Variants in ARHGAP15 observed in about 807,000 individuals in gnomAD.
ARHGAP15 encodes the protein Rho GTPase activating protein 15.
A neutral mutation model predicts 63.7 loss-of-function variants in ARHGAP15; 51 were observed. That is an observed-to-expected ratio of 0.80 (90% CI 0.64 to 1.01). The LOEUF (loss-of-function observed/expected upper bound fraction) is 1.01. Ranked by LOEUF, ARHGAP15 falls within the 50% of genes least tolerant of loss-of-function variation. The pLI is 0.00. For synonymous variants in ARHGAP15, 191 were observed against 193.8 expected (o/e 0.99, Z 0.12); for missense variants, 560 against 564.6 (o/e 0.99, Z 0.08).
intron 6 of ARHGAP15, among the ~76,000 whole-genome samples, chr2:143,255,998 A>T (rs1680406518): frequency 6.6e-6 from 1 of 152,098 alleles, no homozygotes; most frequent in Admixed American, 6.6e-5. Context: ...GGGTCTGGGG[A>T]TGTGTGTTCC....
At chr2:143,721,253 G>C (rs1559144170) in intron 13 of ARHGAP15, among the ~76,000 whole-genome samples, 1 of 151,992 alleles carries the variant, frequency 6.6e-6, no homozygotes, top group Non-Finnish European at 1.5e-5. Flanking sequence ...CAAAGTCTGG[G>C]CTAAAAGAAA....
intron 11 of ARHGAP15, among the ~76,000 whole-genome samples, chr2:143,614,891 C>A (rs530542719): frequency 6.6e-6 from 1 of 152,118 alleles, no homozygotes; most frequent in African/African-American, 2.4e-5. Flanking sequence ...CGGCAGAGAC[C>A]GGGAATTGGT....
chr2:143,741,238 G>A (rs903541433), intron 13 of ARHGAP15: 5 of 152,174 alleles, frequency 3.3e-5, no homozygotes, highest in African/African-American at 9.7e-5. Context: ...CCAAAGAAAT[G>A]AGCAAAATAA....
intron 12 of ARHGAP15, among the ~76,000 whole-genome samples, chr2:143,686,650 C>G (rs1683364917): frequency 6.6e-6 from 1 of 152,132 alleles, no homozygotes; most frequent in Non-Finnish European, 1.5e-5. Context: ...TAGAGGCTTA[C>G]TTTGCCCCCA....
intron 6 of ARHGAP15, among the ~76,000 whole-genome samples, chr2:143,408,022 T>C (rs1298667346): frequency 2.2e-5 from 3 of 136,164 alleles, no homozygotes; most frequent in African/African-American, 8.0e-5. Context: ...TATATATATA[T>C]ATATATATAT....
chr2:143,665,112 CA>C (rs1682085407), intron 12 of ARHGAP15, among the ~76,000 whole-genome samples: 1 of 150,924 alleles, frequency 6.6e-6, no homozygotes, highest in Non-Finnish European at 1.5e-5. Context: ...GAGACACAAC[CA>C]AAAAAGAGAA....
chr2:143,664,633 G>T (rs1307647285), intron 12 of ARHGAP15, among the ~76,000 whole-genome samples: 1 of 151,580 alleles, frequency 6.6e-6, no homozygotes, highest in African/African-American at 2.4e-5. Flanking sequence ...CCAGGAGCTG[G>T]TTTTTTGAAA....
At chr2:143,270,858 A>C (rs1178086946) in intron 6 of ARHGAP15, among the ~76,000 whole-genome samples, 1 of 152,178 alleles carries the variant, frequency 6.6e-6, no homozygotes, top group Non-Finnish European at 1.5e-5. Context: ...TTATATCTTC[A>C]TTCAGAAAAT....
intron 12 of ARHGAP15, among the ~76,000 whole-genome samples, chr2:143,660,563 G>C (rs1681709013): frequency 6.6e-6 from 1 of 152,168 alleles, no homozygotes; most frequent in Non-Finnish European, 1.5e-5. Context: ...TGAATTATTA[G>C]GAGATCATTT....
chr2:143,314,106 A>G (rs1375143654), intron 6 of ARHGAP15, among the ~76,000 whole-genome samples: 2 of 152,036 alleles, frequency 1.3e-5, no homozygotes, highest in Non-Finnish European at 2.9e-5. Context: ...CAGAAATTTA[A>G]CTGGCAGCCC....
At chr2:143,475,320 A>G (rs1032400286) in intron 8 of ARHGAP15, among the ~76,000 whole-genome samples, 1 of 152,230 alleles carries the variant, frequency 6.6e-6, no homozygotes, top group African/African-American at 2.4e-5. Context: ...GCCGTAGACG[A>G]CATACTGTGT....
rs199690257 is a variant in ARHGAP15, at chr2:143,635,862, TA to T, written c.1138+11602del. Among the ~76,000 whole-genome samples the T allele has an allele frequency of 6.2e-4, 94 of 152,240 alleles. 1 individual carries two copies. In the East Asian group the frequency reaches 0.016, roughly 26 times the overall value. On this transcript the variant is annotated intron_variant, in intron 12 of 13. Coordinates refer to ENST00000295095, the MANE Select transcript of ARHGAP15 (RefSeq NM_018460.4). ...TATATATATTTTAATCTATGAACTATAAAAAAATTATATTGGATAATTATGA... is the reference window on the plus strand; with the variant it reads ...TATATATATTTTAATCTATGAACTATAAAAAATTATATTGGATAATTATGA...
At chr2:143,332,608 A>G (rs1390607908) in intron 6 of ARHGAP15, among the ~76,000 whole-genome samples, 1 of 152,170 alleles carries the variant, frequency 6.6e-6, no homozygotes, top group African/African-American at 2.4e-5. Context: ...AAGTGCTTCA[A>G]GTGGCTTTGA....
intron 6 of ARHGAP15, among the ~76,000 whole-genome samples, chr2:143,301,591 G>A (rs530164461): frequency 2.0e-4 from 30 of 151,940 alleles, no homozygotes; most frequent in African/African-American, 4.3e-4. Context: ...ATTTTTAAGC[G>A]TGAAACTTTC....
intron 13 of ARHGAP15, among the ~76,000 whole-genome samples, chr2:143,716,096 T>C (rs533160896): frequency 6.6e-6 from 1 of 152,240 alleles, no homozygotes; most frequent in African/African-American, 2.4e-5. Context: ...GATAGGAAGA[T>C]CTGTGCAGCA....
intron 6 of ARHGAP15, among the ~76,000 whole-genome samples, chr2:143,364,145 C>T (rs1036740007): frequency 6.6e-6 from 1 of 151,480 alleles, no homozygotes; most frequent in Non-Finnish European, 1.5e-5. Context: ...TATTTTTCCC[C>T]ATCGCAATAA....
intron 5 of ARHGAP15, among the ~76,000 whole-genome samples, chr2:143,233,013 A>T (rs754410119): frequency 6.6e-6 from 1 of 152,032 alleles, no homozygotes; most frequent in Non-Finnish European, 1.5e-5. Flanking sequence ...CTAGTGTGAG[A>T]CCCTTTACCT....
At chr2:143,425,351 A>G (rs531264278) in intron 6 of ARHGAP15, among the ~76,000 whole-genome samples, 1 of 151,950 alleles carries the variant, frequency 6.6e-6, no homozygotes, top group Non-Finnish European at 1.5e-5. Context: ...TTATATATAG[A>G]GAGAAATAGA....
At position 143,596,622 on chromosome 2, in the gene ARHGAP15, T is replaced by C. The variant is rs1332878675; in HGVS notation, c.1004-27511T>C. Reference sequence around the variant, plus strand: ...TAAAATAATCTCTGAAAGTAAGTTATTTATATATATTTATTTATAAACTAG... The same window carrying C: ...TAAAATAATCTCTGAAAGTAAGTTACTTATATATATTTATTTATAAACTAG... On this transcript the variant is annotated intron_variant, in intron 11 of 13. Coordinates refer to ENST00000295095, the MANE Select transcript of ARHGAP15 (RefSeq NM_018460.4). Among the ~76,000 whole-genome samples the C allele has an allele frequency of 2.0e-5, 3 of 152,132 alleles. No individual in the cohort carries two copies. In the East Asian group the frequency reaches 5.8e-4, roughly 29 times the overall value.
Sources: gnomAD v4.1 joint callset for allele counts (sites outside exome capture counted in the v4.1 genomes callset) on GRCh38, gnomAD v4.1.1 for gene constraint, MANE v1.5 for transcripts, NCBI Gene and HGNC (gene_info 2026-07-23, HGNC 2026-07-21) for gene names.